RBFOX1: variants seen among roughly 807,000 people sequenced by gnomAD.
RBFOX1 encodes the protein RNA binding protein fox-1 homolog 1.
In RBFOX1, 8 loss-of-function variants were observed where a neutral mutation model predicts 57.7. The ratio of observed to expected loss-of-function variants is 0.14; its 90% CI spans 0.08 to 0.25. RBFOX1 has a LOEUF of 0.25. RBFOX1 is among the 10% of genes least tolerant of loss of function. RBFOX1 has a pLI of 1.00. For synonymous variants in RBFOX1, 326 were observed against 222.4 expected, an observed-to-expected ratio of 1.47 and a Z score of -4.15; for missense variants, 611 against 548.5, an observed-to-expected ratio of 1.11 and a Z score of -1.14.
chr16:6,180,254 G>T (rs1001605984), intron 1 of RBFOX1, among the ~76,000 whole-genome samples: 1 of 151,668 alleles, frequency 6.6e-6, no homozygotes, highest in Non-Finnish European at 1.5e-5. Context: ...TGGGGTCTGG[G>T]TTTTTCTTTA....
intron 2 of RBFOX1, among the ~76,000 whole-genome samples, chr16:6,572,881 C>T (rs552501105): frequency 2.0e-5 from 3 of 152,170 alleles, no homozygotes; most frequent in South Asian, 4.1e-4. Flanking sequence ...GGAGTGATCC[C>T]GCATGCCCAG....
At chr16:6,841,870 G>A (rs938455895) in intron 3 of RBFOX1, among the ~76,000 whole-genome samples, 5 of 152,054 alleles carry the variant, frequency 3.3e-5, no homozygotes, top group Non-Finnish European at 5.9e-5. Context: ...CGGGCGCGGT[G>A]GCTCACGCCT....
In RBFOX1 at chr16:6,812,403, G is replaced by T. The variant is rs375096023; in HGVS notation, c.-16+157753G>T. Among the ~76,000 whole-genome samples the T allele has an allele frequency of 4.3e-4, 65 of 152,106 alleles. No homozygotes were observed. The South Asian group carries it at 0.012, about 29-fold the overall frequency. On this transcript the variant is annotated intron_variant, in intron 3 of 15. Coordinates refer to ENST00000550418, the MANE Select transcript of RBFOX1 (RefSeq NM_018723.4). Reference sequence around the variant, plus strand: ...TTTTATTTTTTTTGAGACGGAGTCTGGGTCTTGTCACCCAGGCTGGAGTGC... The same window carrying T: ...TTTTATTTTTTTTGAGACGGAGTCTTGGTCTTGTCACCCAGGCTGGAGTGC...
intron 3 of RBFOX1, among the ~76,000 whole-genome samples, chr16:6,839,121 A>T (rs1043927062): frequency 6.7e-6 from 1 of 148,508 alleles, no homozygotes; most frequent in Non-Finnish European, 1.5e-5. Context: ...AGTAGGTGAG[A>T]TTACAGGCAC....
intron 3 of RBFOX1, among the ~76,000 whole-genome samples, chr16:6,918,762 G>A (rs2073825063): frequency 6.6e-6 from 1 of 152,104 alleles, no homozygotes; most frequent in Non-Finnish European, 1.5e-5. Flanking sequence ...TTGATATTAT[G>A]GTTAATTAAT....
Position 6,772,928 on chromosome 16 carries a change from TTG to T in RBFOX1, c.-16+118292_-16+118293del, listed in dbSNP as rs144015995. Among the ~76,000 whole-genome samples the T allele has an allele frequency of 1.5e-3, 164 of 109,540 alleles. 1 individual carries two copies. In the East Asian group the frequency reaches 0.016, roughly 11 times the overall value. The allele number at this position is 109,540 out of a possible 152,430, so 71.9% of individuals were successfully genotyped here. On this transcript the variant is annotated intron_variant, in intron 3 of 15. Transcript: ENST00000550418. ...GTGTAAGTGTGGGCTTGGAGTACAT[TTG>T]TGTGTGTGTGTGTATCTATATATTT...
At chr16:6,607,286 G>C (rs1283678241) in intron 2 of RBFOX1, among the ~76,000 whole-genome samples, 1 of 152,148 alleles carries the variant, frequency 6.6e-6, no homozygotes, top group Non-Finnish European at 1.5e-5. Flanking sequence ...AAAGGGAAGA[G>C]AAATGTCAGC....
At chr16:7,698,929 G>A (rs544166213) in intron 14 of RBFOX1, among the ~76,000 whole-genome samples, 4 of 152,298 alleles carry the variant, frequency 2.6e-5, no homozygotes, top group African/African-American at 7.2e-5. Flanking sequence ...GTCTGAATTA[G>A]CCTAAGTGGG....
At chr16:7,145,812 C>A (rs545829212) in intron 4 of RBFOX1, among the ~76,000 whole-genome samples, 1 of 152,104 alleles carries the variant, frequency 6.6e-6, no homozygotes, top group Non-Finnish European at 1.5e-5. Context: ...TTTGTGTTCC[C>A]GCACACACAC....
intron 3 of RBFOX1, among the ~76,000 whole-genome samples, chr16:6,872,586 C>T (rs546616535): frequency 1.4e-3 from 212 of 152,182 alleles, no homozygotes; most frequent in Admixed American, 0.013. Context: ...ACGTTTGGAA[C>T]GGCAACAAAA....
chr16:6,936,647 C>T lies in RBFOX1; in HGVS notation c.-15-115410C>T, dbSNP rs79550269. Among the ~76,000 whole-genome samples the T allele has an allele frequency of 4.9e-3, 740 of 152,142 alleles. 10 individuals carry two copies. Among genetic ancestry groups the T allele is most frequent in the East Asian group, 0.03 (154 of 5,166 alleles). The stretch of plus-strand genomic sequence containing the variant: ...CAGAAGCACTATAAGGTAATTATGA[C>T]TATGACCGCTATTTCACAGATACAA... On this transcript the variant is annotated intron_variant, in intron 3 of 15. Transcript: ENST00000550418.
intron 3 of RBFOX1, among the ~76,000 whole-genome samples, chr16:5,791,871 G>A (rs2054710823): frequency 6.6e-6 from 1 of 152,194 alleles, no homozygotes; most frequent in African/African-American, 2.4e-5. Context: ...AATGGCAATT[G>A]TCACTGTCAT....
chr16:6,249,445 A>G (rs1334591025), intron 1 of RBFOX1, among the ~76,000 whole-genome samples: 1 of 152,010 alleles, frequency 6.6e-6, no homozygotes, highest in East Asian at 1.9e-4. Flanking sequence ...AATAGCTTGA[A>G]CCCGGGAGGC....
At chr16:6,398,822 T>A (rs1009195168) in intron 2 of RBFOX1, among the ~76,000 whole-genome samples, 1 of 152,212 alleles carries the variant, frequency 6.6e-6, no homozygotes, top group African/African-American at 2.4e-5. Context: ...GCTACCATTC[T>A]GGGATCTGGA....
In RBFOX1 at chr16:7,710,960, T is replaced by A; in HGVS notation, c.*215T>A. On this transcript the variant is annotated 3_prime_UTR_variant, in exon 16 of 16. Coordinates refer to ENST00000550418, the MANE Select transcript of RBFOX1 (RefSeq NM_018723.4). ...GGGTCTTTAATTTCTGAAGGTTCCG[T>A]AGTTTGGTTGCTGGCTGTAGGAGTT... 3.6e-6 allele frequency: 2 copies of A among 550,520 alleles called. No homozygotes were observed. Among genetic ancestry groups the A allele is most frequent in the Non-Finnish European group, 5.5e-6 (2 of 361,066 alleles). 34.1% of individuals were successfully genotyped at this position (550,520 alleles called of 1,614,324 possible). A position where few individuals can be genotyped will look rare whatever the true frequency, so the allele number is the denominator to read the frequency against.
intron 4 of RBFOX1, among the ~76,000 whole-genome samples, chr16:7,480,674 T>C (rs1567406268): frequency 6.6e-6 from 1 of 152,204 alleles, no homozygotes; most frequent in Non-Finnish European, 1.5e-5. Context: ...GAGCTGTGTA[T>C]GGAGCTGGAA....
rs2152547286 is a variant in RBFOX1, at chr16:6,097,794, C to CTTAT, written c.-127+77813_-127+77816dup. Among the ~76,000 whole-genome samples, 1 of 148,852 alleles carries CTTAT rather than the reference C, an allele frequency of 6.7e-6. No homozygotes were observed. Among genetic ancestry groups the CTTAT allele is most frequent in the Non-Finnish European group, 1.5e-5 (1 of 67,248 alleles). On this transcript the variant is annotated intron_variant, in intron 1 of 15. Coordinates refer to ENST00000550418, the MANE Select transcript of RBFOX1 (RefSeq NM_018723.4). This position sits in a 1 kb window ranked among gnomAD's most constrained non-coding sequence, Gnocchi z 5.0. ...TTTTTTCTTACCACCCTCCAAAATT[C>CTTAT]TTATTTATTTATTTTCTATCACCGT...
intron 4 of RBFOX1, among the ~76,000 whole-genome samples, chr16:7,280,054 G>C (rs907671074): frequency 2.6e-5 from 4 of 152,192 alleles, no homozygotes; most frequent in African/African-American, 9.7e-5. Context: ...GCTGCGATTG[G>C]ATCTGTATTC....
intron 4 of RBFOX1, among the ~76,000 whole-genome samples, chr16:5,890,139 T>C (rs1319587352): frequency 6.6e-6 from 1 of 152,152 alleles, no homozygotes; most frequent in Non-Finnish European, 1.5e-5. Flanking sequence ...GATATGAGCT[T>C]GGGGATGAGA....
Sources: allele counts gnomAD v4.1 joint callset (sites outside exome capture counted in the v4.1 genomes callset), GRCh38; gene constraint gnomAD v4.1.1; non-coding constraint Gnocchi (gnomAD v3.1); transcripts MANE v1.5; gene names NCBI Gene and HGNC (gene_info 2026-07-23, HGNC 2026-07-21).